RGS22: variants seen among roughly 807,000 people sequenced by gnomAD.
RGS22 encodes regulator of G-protein signaling 22.
RGS22 carries 148 observed loss-of-function variants against 172.9 expected under a neutral mutation model. That is an observed-to-expected ratio of 0.86 (90% CI 0.75 to 0.98). RGS22 has a LOEUF of 0.98. Among genes scored for constraint, RGS22 ranks in the 50% least tolerant of loss-of-function variants. RGS22 has a pLI of 0.00. For missense variants in RGS22, 1,347 were observed against 1,440.8 expected, an observed-to-expected ratio of 0.93 and a Z score of 1.05; for synonymous variants, 458 against 480.2, an observed-to-expected ratio of 0.95 and a Z score of 0.60.
chr8:99,982,618 T>A (rs2131213188), intron 21 of RGS22, among the ~76,000 whole-genome samples: 1 of 152,310 alleles, frequency 6.6e-6, no homozygotes, highest in South Asian at 2.1e-4. Flanking sequence ...CAGGTGGATA[T>A]AAAAGCTTTC....
chr8:100,028,597 T>C (rs3133687), intron 14 of RGS22, among the ~76,000 whole-genome samples: 1 of 151,968 alleles, frequency 6.6e-6, no homozygotes, highest in Admixed American at 6.5e-5. Context: ...TTTATACTTG[T>C]CTAATTTCTC....
chr8:100,086,372 A>G (rs1196382429), intron 3 of RGS22, among the ~76,000 whole-genome samples: 1 of 152,132 alleles, frequency 6.6e-6, no homozygotes, highest in African/African-American at 2.4e-5. Context: ...AATGATTCTC[A>G]TAGGGTGGTT....
Position 100,066,266 on chromosome 8 carries a change from C to A in RGS22, c.625G>T (p.Ala209Ser). Residue 209 changes from alanine to serine, a missense_variant, in exon 7 of 28, where the codon GCA becomes TCA. By Grantham distance (99) the Ala-to-Ser change is moderately conservative. Transcript: ENST00000360863. ...GTTTGCTGACTTTGTTTTGCTAATG[C>A]AAACCAATCTTTTGTTTGAGTATAG... ...ASYTQTKDWF[A>S]LAKQSQQTVS... 6.2e-7 allele frequency: 1 copy of A among 1,613,372 alleles called. No homozygotes were observed. Among genetic ancestry groups the A allele is most frequent in the Non-Finnish European group, 8.5e-7 (1 of 1,179,488 alleles).
chr8:100,053,248 GA>G (rs1471860269), intron 9 of RGS22, among the ~76,000 whole-genome samples: 2 of 152,048 alleles, frequency 1.3e-5, no homozygotes, highest in Middle Eastern at 3.2e-3. Context: ...TTAGCTGCTT[GA>G]TAAGAAAACT....
chr8:100,071,614 T>C (rs2131845680), intron 5 of RGS22, 77 bp from the exon 6 acceptor site: 2 of 1,216,664 alleles, frequency 1.6e-6, no homozygotes, highest in Admixed American at 2.3e-5. Flanking sequence ...TAAAATTTTA[T>C]GTATTCAAGC....
At chr8:100,057,013 C>T (rs1809684477) in intron 9 of RGS22, among the ~76,000 whole-genome samples, 1 of 152,236 alleles carries the variant, frequency 6.6e-6, no homozygotes, top group African/African-American at 2.4e-5. Context: ...CCATACACTG[C>T]AAAGCCACAG....
chr8:100,034,368 G>A (rs924924262), intron 14 of RGS22, among the ~76,000 whole-genome samples: 2 of 152,148 alleles, frequency 1.3e-5, no homozygotes, highest in Non-Finnish European at 2.9e-5. Context: ...ATTCACAATT[G>A]CTACACAGAG....
At chr8:100,044,401 CAT>C (rs1820490778) in intron 11 of RGS22, among the ~76,000 whole-genome samples, 2 of 152,204 alleles carry the variant, frequency 1.3e-5, no homozygotes, top group African/African-American at 2.4e-5. Context: ...CGTGAGCCAT[CAT>C]GCCTGGCTAA....
intron 14 of RGS22, among the ~76,000 whole-genome samples, chr8:100,021,451 G>A (rs961744424): frequency 6.6e-6 from 1 of 152,190 alleles, no homozygotes; most frequent in Non-Finnish European, 1.5e-5. Context: ...TAAGAGTTTA[G>A]TGGGGAAAAT....
intron 20 of RGS22, 94 bp from the exon 21 acceptor site, chr8:99,987,713 G>T: frequency 1.2e-6 from 1 of 828,398 alleles, no homozygotes; most frequent in South Asian, 3.0e-5. Flanking sequence ...TGAAATGCCT[G>T]GCATGGCTAT....
rs1810310968 is a variant in RGS22, at chr8:99,962,514, G to A, written c.3791-71C>T. The A allele has an allele frequency of 6.5e-6, 10 of 1,527,872 alleles. No homozygotes were observed. The Admixed American group carries it at 6.8e-5, about 10-fold the overall frequency. The allele number at this position is 1,527,872 out of a possible 1,614,324, so 94.6% of individuals were successfully genotyped here. The stretch of plus-strand genomic sequence containing the variant: ...TTAGCAGAGGAGAGGAACAGAGACA[G>A]AGAGAAGCAGGACTCACACACACGG... On this transcript the variant is annotated intron_variant, in intron 26 of 27. Transcript: ENST00000360863.
intron 18 of RGS22, among the ~76,000 whole-genome samples, chr8:100,001,958 A>G (rs1242131811): frequency 1.3e-5 from 2 of 152,208 alleles, no homozygotes; most frequent in African/African-American, 4.8e-5. Context: ...TAGGTGAATA[A>G]AAGTTATTTT....
intron 2 of RGS22, among the ~76,000 whole-genome samples, chr8:100,098,866 ATTTTAT>A (rs1282652395): frequency 7.8e-4 from 4 of 5,156 alleles, no homozygotes; most frequent in African/African-American, 2.5e-3. Flanking sequence ...TATTTTATTT[ATTTTAT>A]TTTATTTTAT....
Position 100,042,278 on chromosome 8 carries a change from TA to T in RGS22, c.1824-363del, listed in dbSNP as rs201210882. On this transcript the variant is annotated intron_variant, in intron 11 of 27. Coordinates refer to ENST00000360863, the MANE Select transcript of RGS22 (RefSeq NM_015668.5). ...ATATTTATTTGTGTTTTAATAAAAT[TA>T]AAAAAATTTTAATGTGTTTTAGAGG... is the stretch of plus-strand genomic sequence containing the variant. Among the ~76,000 whole-genome samples, 932 of 152,238 alleles carry T rather than the reference TA, an allele frequency of 6.1e-3. 11 individuals are homozygous for T. The highest frequency in any genetic ancestry group is 0.021 in the African/African-American group (883 of 41,564).
intron 18 of RGS22, among the ~76,000 whole-genome samples, chr8:100,001,961 G>T (rs1023749809): frequency 1.3e-5 from 2 of 152,024 alleles, no homozygotes; most frequent in African/African-American, 2.4e-5. Flanking sequence ...GTGAATAAAA[G>T]TTATTTTATT....
chr8:99,999,474 A>G (rs1814781767), intron 18 of RGS22, 54 bp from the exon 19 acceptor site: 1 of 1,568,758 alleles, frequency 6.4e-7, no homozygotes, highest in Non-Finnish European at 8.7e-7. Flanking sequence ...AAGAAACACT[A>G]ATAGTCATTA....
chr8:100,057,358 G>C (rs192712428), intron 9 of RGS22, among the ~76,000 whole-genome samples: 1 of 152,256 alleles, frequency 6.6e-6, no homozygotes, highest in African/African-American at 2.4e-5. Context: ...TAAGACTTTG[G>C]GGACTGCTGG....
At chr8:99,997,538 T>C (rs1373494928) in intron 19 of RGS22, among the ~76,000 whole-genome samples, 1 of 152,196 alleles carries the variant, frequency 6.6e-6, no homozygotes, top group Non-Finnish European at 1.5e-5. Flanking sequence ...CATAAGTTGC[T>C]CAGCTCAAAT....
At chr8:100,043,610 T>C (rs1003191925) in intron 11 of RGS22, among the ~76,000 whole-genome samples, 3 of 152,000 alleles carry the variant, frequency 2.0e-5, no homozygotes, top group African/African-American at 7.2e-5. Flanking sequence ...ACCCCGTCTC[T>C]ACTAAAAATA....
Sources: gnomAD v4.1 joint callset for allele counts (sites outside exome capture counted in the v4.1 genomes callset) on GRCh38, gnomAD v4.1.1 for gene constraint, MANE v1.5 for transcripts, NCBI Gene and HGNC (gene_info 2026-07-23, HGNC 2026-07-21) for gene names.